CSMD2: variants seen among roughly 807,000 people sequenced by gnomAD.
The protein encoded by CSMD2 is CUB and sushi domain-containing protein 2.
In CSMD2, 130 loss-of-function variants were observed where a neutral mutation model predicts 398.5. The observed-to-expected ratio is 0.33, with a 90% CI of 0.28 to 0.38. CSMD2 has a LOEUF of 0.38. Ranked by LOEUF, CSMD2 falls within the 10% of genes least tolerant of loss-of-function variation. CSMD2 has a pLI of 1.00. For synonymous variants in CSMD2, 1,828 were observed against 1,908.5 expected, an observed-to-expected ratio of 0.96 and a Z score of 1.10; for missense variants, 3,829 against 4,764.9, an observed-to-expected ratio of 0.80 and a Z score of 5.78.
At chr1:34,036,108 G>A (rs960530371) in intron 2 of CSMD2, among the ~76,000 whole-genome samples, 18 of 151,936 alleles carry the variant, frequency 1.2e-4, no homozygotes, top group African/African-American at 4.1e-4. Context: ...AAATAGTTTG[G>A]CAGTTTCTTT....
intron 25 of CSMD2, among the ~76,000 whole-genome samples, chr1:33,684,433 C>T (rs770139457): frequency 5.3e-5 from 8 of 152,202 alleles, no homozygotes; most frequent in Non-Finnish European, 7.3e-5. Context: ...GAAAGCACAT[C>T]GGCAGAGGAC....
At chr1:33,814,002 C>T (rs1199267174) in intron 9 of CSMD2, 1 of 152,528 alleles carries the variant, frequency 6.6e-6, no homozygotes, top group East Asian at 1.9e-4. Flanking sequence ...TTGCTCCCAC[C>T]CTCAAGTATT....
chr1:33,533,816 C>T lies in CSMD2; in HGVS notation c.9971G>A (p.Gly3324Glu). The change falls in exon 63 of 71, where the codon GGA (glycine) becomes GAA (glutamate). Residue 3324 changes from glycine to glutamate, a missense_variant. By Grantham distance (98) the Gly-to-Glu change is moderately conservative. Transcript: ENST00000373381. This position sits in a 1 kb window ranked among gnomAD's most constrained non-coding sequence, Gnocchi z 4.2. ...RTCLPNLTWSGTPPDCVPHHC... is the reference protein window; with the variant it reads ...RTCLPNLTWSETPPDCVPHHC... ...CTCACGGACACAGTCAGGTGGGGTT[C>T]CACTCCAGGTCAGGTTTGGGAGGCA... 1 of 1,613,356 alleles carries T rather than the reference C, an allele frequency of 6.2e-7. No individual in the cohort carries two copies. The highest frequency in any genetic ancestry group is 8.5e-7 in the Non-Finnish European group (1 of 1,179,348).
At chr1:33,521,182 C>T (rs2148523821) in intron 68 of CSMD2, among the ~76,000 whole-genome samples, 1 of 152,288 alleles carries the variant, frequency 6.6e-6, no homozygotes, top group Middle Eastern at 3.4e-3. Flanking sequence ...TGGCTGGGGG[C>T]TGTATCTAAG....
chr1:34,081,041 G>T (rs974838599), intron 2 of CSMD2, among the ~76,000 whole-genome samples: 1 of 151,982 alleles, frequency 6.6e-6, no homozygotes, highest in Non-Finnish European at 1.5e-5. Context: ...AAGGTTGAGT[G>T]GGAAAACAGT....
At chr1:34,094,805 T>A (rs1659082530) in intron 1 of CSMD2, among the ~76,000 whole-genome samples, 1 of 151,862 alleles carries the variant, frequency 6.6e-6, no homozygotes, top group African/African-American at 2.4e-5. Flanking sequence ...CACACATTAA[T>A]AATGGGAGAC....
chr1:33,862,789 GCCAGCCA>G (rs1198728740), intron 5 of CSMD2: 1 of 152,208 alleles, frequency 6.6e-6, no homozygotes. Flanking sequence ...GCTTAGGTAG[GCCAGCCA>G]CCTTGCAGCA....
chr1:34,131,122 A>T (rs1284772250), intron 1 of CSMD2, among the ~76,000 whole-genome samples: 1 of 152,048 alleles, frequency 6.6e-6, no homozygotes. Flanking sequence ...TTTGTTAAAC[A>T]TTATTAAGTA....
At chr1:33,543,436 C>T (rs1656555019) in intron 57 of CSMD2, among the ~76,000 whole-genome samples, 3 of 152,202 alleles carry the variant, frequency 2.0e-5, no homozygotes, top group Admixed American at 2.0e-4. Context: ...TCCTCTATCC[C>T]CTGTAGTTCC....
intron 6 of CSMD2, among the ~76,000 whole-genome samples, chr1:33,833,956 A>T (rs1373907957): frequency 6.7e-6 from 1 of 149,894 alleles, no homozygotes; most frequent in Non-Finnish European, 1.5e-5. Flanking sequence ...ATGTGAAGGA[A>T]CTCTTCAAGG....
At chr1:34,021,478 G>A (rs1648873518) in intron 3 of CSMD2, among the ~76,000 whole-genome samples, 1 of 152,198 alleles carries the variant, frequency 6.6e-6, no homozygotes, top group South Asian at 2.1e-4. Context: ...TCGGTACCAA[G>A]GGATCCATCC....
At chr1:33,525,577 A>G (rs1299769357) in intron 65 of CSMD2, among the ~76,000 whole-genome samples, 1 of 152,212 alleles carries the variant, frequency 6.6e-6, no homozygotes, top group Admixed American at 6.5e-5. Context: ...GAGATGGTCA[A>G]AGGGTACAAA....
In CSMD2 at chr1:34,098,662, A is replaced by T. The variant is rs564204249; in HGVS notation, c.188-9469T>A. On this transcript the variant is annotated intron_variant, in intron 1 of 70. Transcript: ENST00000373381. ...ATGGAAATATGTATCAGGCAATATTAAAAAAAATTGAGAAAAGAAAAAGAC... is the reference window on the plus strand; with the variant it reads ...ATGGAAATATGTATCAGGCAATATTTAAAAAAATTGAGAAAAGAAAAAGAC... Among the ~76,000 whole-genome samples the T allele has an allele frequency of 4.8e-4, 65 of 134,050 alleles. No homozygotes were observed. The South Asian group carries it at 0.012, about 25-fold the overall frequency. 87.9% of individuals were successfully genotyped at this position (134,050 alleles called of 152,430 possible). A position where few individuals can be genotyped will look rare whatever the true frequency, so the allele number is the denominator to read the frequency against.
intron 25 of CSMD2, among the ~76,000 whole-genome samples, chr1:33,680,148 CTTTTTTTTTTTT>C (rs34735969): frequency 3.4e-5 from 3 of 88,536 alleles, no homozygotes; most frequent in South Asian, 4.4e-4. Flanking sequence ...ATGGCCTCGC[CTTTTTTTTTTTT>C]TTTTTTTTTT....
chr1:33,521,502 T>C lies in CSMD2; in HGVS notation c.10558A>G (p.Lys3520Glu). The C allele has an allele frequency of 1.2e-6, 2 of 1,613,834 alleles. No individual in the cohort carries two copies. The highest frequency in any genetic ancestry group is 1.7e-6 in the Non-Finnish European group (2 of 1,179,718). ...GATFIYQGSV[K>E]GQGFGQFGFQ... ...CCGAACTGCCCAAAGCCTTGGCCCT[T>C]GACAGAGCCTTGGTAGATGAAGGTG... is the stretch of plus-strand genomic sequence containing the variant. The change falls in exon 68 of 71, where the codon AAG (lysine) becomes GAG (glutamate). Residue 3520 changes from lysine to glutamate, a missense_variant. This residue lies in a region of CSMD2 where 917 missense variants were observed against 1,199.5 expected (regional missense o/e 0.76). Transcript: ENST00000373381.
At chr1:33,603,919 A>G (rs549952906) in intron 42 of CSMD2, among the ~76,000 whole-genome samples, 42 of 152,342 alleles carry the variant, frequency 2.8e-4, no homozygotes, top group Admixed American at 2.6e-3. Context: ...ATTGGAAAAC[A>G]AAGTATTTCA....
At chr1:33,685,647 C>T (rs1645041651) in intron 25 of CSMD2, among the ~76,000 whole-genome samples, 1 of 152,184 alleles carries the variant, frequency 6.6e-6, no homozygotes. Context: ...AGTGCCCTTT[C>T]GTGGCCAGAT....
intron 1 of CSMD2, among the ~76,000 whole-genome samples, chr1:34,123,995 C>T (rs1433439646): frequency 2.0e-5 from 3 of 152,210 alleles, no homozygotes. Context: ...TTGACAATAA[C>T]CCAGGCAGGC....
rs150388245 is a variant in CSMD2 at position 34,009,448 on chromosome 1, T to G, written c.517+23146A>C. On this transcript the variant is annotated intron_variant, in intron 3 of 70. Transcript: ENST00000373381. ...CAGGAGACACTGTGCCGCCCTGATC[T>G]TTCTGGGCCTTTACCCTGCTGACAC... is the stretch of plus-strand genomic sequence containing the variant. Among the ~76,000 whole-genome samples, 390 of 152,084 alleles carry G rather than the reference T, an allele frequency of 2.6e-3. 5 individuals are homozygous for G. The highest frequency in any genetic ancestry group is 9.1e-3 in the African/African-American group (377 of 41,474).
Sources: allele counts gnomAD v4.1 joint callset (sites outside exome capture counted in the v4.1 genomes callset), GRCh38; gene constraint gnomAD v4.1.1; regional missense constraint gnomAD v4.1.1; non-coding constraint Gnocchi (gnomAD v3.1); transcripts MANE v1.5; gene names NCBI Gene and HGNC (gene_info 2026-07-23, HGNC 2026-07-21).